Variants in PTDSS1 observed in about 807,000 individuals in gnomAD.
The protein encoded by PTDSS1 is phosphatidylserine synthase 1, also known as PSS-1.
Under a neutral mutation model 70.5 loss-of-function variants are expected in PTDSS1, and 45 were observed. That is an observed-to-expected ratio of 0.64 (90% CI 0.50 to 0.82). The LOEUF (loss-of-function observed/expected upper bound fraction) is 0.82, where lower values mean the gene tolerates loss of function less well. Ranked by LOEUF, PTDSS1 falls within the 40% of genes least tolerant of loss-of-function variation. The pLI, the probability that PTDSS1 is intolerant of heterozygous loss-of-function variation, is 0.00. For synonymous variants in PTDSS1, 188 were observed against 203.8 expected, an observed-to-expected ratio of 0.92 and a Z score of 0.66; for missense variants, 417 against 586.1, an observed-to-expected ratio of 0.71 and a Z score of 2.98.
chr8:96,273,439 G>T, intron 2 of PTDSS1, 49 bp downstream of exon 2: 3 of 1,428,316 alleles, frequency 2.1e-6, no homozygotes, highest in Admixed American at 2.1e-5. Context: ...GTGCCTTTCT[G>T]GTTTTTTTGA....
intron 2 of PTDSS1, among the ~76,000 whole-genome samples, chr8:96,282,487 C>G (rs1014552706): frequency 1.2e-4 from 18 of 152,096 alleles, no homozygotes; most frequent in African/African-American, 4.3e-4. Context: ...TCAATAAACC[C>G]CTAACCATCT....
intron 3 of PTDSS1, among the ~76,000 whole-genome samples, chr8:96,285,676 G>A (rs1810812626): frequency 6.6e-6 from 1 of 152,080 alleles, no homozygotes; most frequent in South Asian, 2.1e-4. Flanking sequence ...ATAATCCGAT[G>A]AGACCTATAG....
intron 9 of PTDSS1, among the ~76,000 whole-genome samples, chr8:96,315,036 G>A (rs927465018): frequency 6.6e-6 from 1 of 152,220 alleles, no homozygotes; most frequent in South Asian, 2.1e-4. Flanking sequence ...TCCTTGTGCC[G>A]GGGATTCTTT....
intron 2 of PTDSS1, among the ~76,000 whole-genome samples, chr8:96,273,892 C>T (rs540706653): frequency 6.6e-6 from 1 of 152,218 alleles, no homozygotes; most frequent in South Asian, 2.1e-4. Flanking sequence ...GAATTTTCAT[C>T]AGCAGGAAAA....
At chr8:96,330,754 T>C (rs1421201855) in intron 11 of PTDSS1, 3 of 458,658 alleles carry the variant, frequency 6.5e-6, no homozygotes, top group Non-Finnish European at 1.2e-5. Context: ...ACGGTAATAT[T>C]TTTTTCGGTA....
At position 96,262,269 on chromosome 8, in the gene PTDSS1, G is replaced by T; in HGVS notation, c.179+50G>T. On this transcript the variant is annotated intron_variant, in intron 1 of 12. Coordinates refer to ENST00000517309, the MANE Select transcript of PTDSS1 (RefSeq NM_014754.3). This position sits in a 1 kb window ranked among gnomAD's most constrained non-coding sequence, Gnocchi z 4.4. The stretch of plus-strand genomic sequence containing the variant: ...GGCGCGTCCAAGGGCTAGGGAAGAG[G>T]CGGGAGGGAGGGTGGCGGGGAGGGG... 1 of 1,545,950 alleles carries T rather than the reference G, an allele frequency of 6.5e-7. No individual in the cohort carries two copies. The highest frequency in any genetic ancestry group is 8.8e-7 in the Non-Finnish European group (1 of 1,131,308).
intron 9 of PTDSS1, among the ~76,000 whole-genome samples, chr8:96,318,072 C>T (rs756778513): frequency 8.5e-5 from 13 of 152,074 alleles, no homozygotes; most frequent in Non-Finnish European, 1.5e-4. Flanking sequence ...TGCCTGTAAT[C>T]CCAGCACTTT....
chr8:96,281,038 C>T (rs1304710330), intron 2 of PTDSS1, among the ~76,000 whole-genome samples: 1 of 152,162 alleles, frequency 6.6e-6, no homozygotes, highest in Non-Finnish European at 1.5e-5. Context: ...TGCGGGGCTC[C>T]TCCTCAGTTG....
At chr8:96,332,968 C>T (rs918503699) in intron 12 of PTDSS1, among the ~76,000 whole-genome samples, 1 of 152,230 alleles carries the variant, frequency 6.6e-6, no homozygotes, top group Non-Finnish European at 1.5e-5. Context: ...TAAAGATGTT[C>T]TCCAGATCAA....
intron 5 of PTDSS1, among the ~76,000 whole-genome samples, chr8:96,297,773 T>C (rs1810995827): frequency 6.6e-6 from 1 of 152,226 alleles, no homozygotes. Context: ...CACTCTCCTT[T>C]GAAATGCTCC....
In PTDSS1 at chr8:96,270,036, G is replaced by A. The variant is rs931795060; in HGVS notation, c.180-3263G>A. ...ACTATTACCATCCTCTGTTTACTGA[G>A]GAGGAAACTGGGGCACTGAGAGGTT... On this transcript the variant is annotated intron_variant, in intron 1 of 12. Coordinates refer to ENST00000517309, the MANE Select transcript of PTDSS1 (RefSeq NM_014754.3). 2.6e-5 allele frequency among the ~76,000 whole-genome samples: 4 copies of A among 152,190 alleles called. 1 individual carries two copies. The highest frequency in any genetic ancestry group is 5.9e-5 in the Non-Finnish European group (4 of 68,032).
At chr8:96,301,588 C>T (rs1044464727) in intron 6 of PTDSS1, among the ~76,000 whole-genome samples, 2 of 151,894 alleles carry the variant, frequency 1.3e-5, no homozygotes, top group Non-Finnish European at 2.9e-5. Context: ...GGCACAATCT[C>T]GGCTCACTGC....
rs1188122546 is a variant in PTDSS1, at chr8:96,298,436, C to G, written c.601-1258C>G. On this transcript the variant is annotated intron_variant, in intron 5 of 12. Transcript: ENST00000517309. ...TTCATCTTTTTACATTGGGCCTTCA[C>G]ACTCAGTGGGCATGCTGTTCTGAAC... Among the ~76,000 whole-genome samples, 4 of 152,292 alleles carry G rather than the reference C, an allele frequency of 2.6e-5. No homozygotes were observed. In the East Asian group the frequency reaches 7.7e-4, roughly 29 times the overall value.
chr8:96,312,090 G>C (rs1811220426), intron 9 of PTDSS1, among the ~76,000 whole-genome samples: 1 of 152,290 alleles, frequency 6.6e-6, no homozygotes, highest in South Asian at 2.1e-4. Flanking sequence ...AGAGAGAGAG[G>C]TCGCATCATG....
chr8:96,300,157 C>G (rs767271863), intron 6 of PTDSS1, among the ~76,000 whole-genome samples: 1 of 152,152 alleles, frequency 6.6e-6, no homozygotes, highest in Non-Finnish European at 1.5e-5. Context: ...AGACTCCCAT[C>G]CCTGGATCAA....
Position 96,333,533 on chromosome 8 carries a change from G to A in PTDSS1, c.1389G>A (p.Lys463=), listed in dbSNP as rs1811548617. 1 of 1,613,308 alleles carries A rather than the reference G, an allele frequency of 6.2e-7. No homozygotes were observed. Among genetic ancestry groups the A allele is most frequent in the South Asian group, 1.1e-5 (1 of 91,078 alleles). The change falls in exon 13 of 13, where the codon AAG becomes AAA. Residue 463 remains lysine (K), a synonymous_variant. Coordinates refer to ENST00000517309, the MANE Select transcript of PTDSS1 (RefSeq NM_014754.3). ...HSSRRRNRHS[K]SKVTNGVGKK is the part of the protein sequence containing the mutation. ...CCAGGAGAAGGAATCGGCATTCCAA[G>A]TCAAAAGTCACCAATGGCGTTGGAA...
chr8:96,266,897 G>A (rs1241997157), intron 1 of PTDSS1, among the ~76,000 whole-genome samples: 1 of 152,046 alleles, frequency 6.6e-6, no homozygotes, highest in Non-Finnish European at 1.5e-5. Context: ...TTTGTTAAAG[G>A]GGGAAATGTG....
Position 96,287,164 on chromosome 8 carries a change from G to A in PTDSS1, c.441+18G>A. 1 of 1,613,060 alleles carries A rather than the reference G, an allele frequency of 6.2e-7. No individual in the cohort carries two copies. The highest frequency in any genetic ancestry group is 8.5e-7 in the Non-Finnish European group (1 of 1,179,418). ...ATGTCATGGTATGTACTTGTCAGTG[G>A]CCTCTTGGAGAAACTCGTAGACTCT... On this transcript the variant is annotated intron_variant, in intron 4 of 12. Transcript: ENST00000517309.
chr8:96,301,136 G>C lies in PTDSS1; in HGVS notation c.752+1291G>C, dbSNP rs1256153103. 5.3e-5 allele frequency among the ~76,000 whole-genome samples: 8 copies of C among 150,376 alleles called. No individual in the cohort carries two copies. The South Asian group carries it at 1.3e-3, about 24-fold the overall frequency. On this transcript the variant is annotated intron_variant, in intron 6 of 12. Transcript: ENST00000517309. ...CCATTTTGTCACCCCCTTTTTTTTT[G>C]TTTGTTTTATTGAGATGGAGTCTTG...
Sources: gnomAD v4.1 joint callset for allele counts (sites outside exome capture counted in the v4.1 genomes callset) on GRCh38, gnomAD v4.1.1 for gene constraint, Gnocchi (gnomAD v3.1) non-coding constraint, MANE v1.5 for transcripts, NCBI Gene and HGNC (gene_info 2026-07-23, HGNC 2026-07-21) for gene names.